USP34: variants seen among roughly 807,000 people sequenced by gnomAD.
The protein encoded by USP34 is ubiquitin specific peptidase 34.
A neutral mutation model predicts 460.3 loss-of-function variants in USP34; 70 were observed. The ratio of observed to expected loss-of-function variants is 0.15; its 90% CI spans 0.13 to 0.19. The LOEUF (loss-of-function observed/expected upper bound fraction) is 0.19, where lower values mean the gene tolerates loss of function less well. USP34 is among the 10% of genes least tolerant of loss of function. The pLI is 1.00. For missense variants in USP34, 3,985 were observed against 4,236.2 expected (o/e 0.94, Z 1.65); for synonymous variants, 1,647 against 1,405.3 (o/e 1.17, Z -3.85).
At position 61,236,026 on chromosome 2, in the gene USP34, CT is replaced by C; in HGVS notation, c.6965del (p.Lys2322SerfsTer11). 6.2e-7 allele frequency: 1 copy of C among 1,605,614 alleles called. No homozygotes were observed. The highest frequency in any genetic ancestry group is 2.2e-5 in the East Asian group (1 of 44,770). ...AAAATCCATAGTAGAAAACACATAC[CT>C]TTTCTTTAGAATGAATAAATGTCTC... ...VLETFIHSKE[K>X]PTMLQWIELL... On this transcript the variant is annotated frameshift_variant and splice_region_variant, in exon 56 of 80. Transcript: ENST00000398571. LOFTEE classifies it high-confidence loss of function.
chr2:61,455,600 C>T (rs1381990498), intron 1 of USP34, among the ~76,000 whole-genome samples: 1 of 152,062 alleles, frequency 6.6e-6, no homozygotes, highest in East Asian at 1.9e-4. Context: ...TACCAAGACC[C>T]CCATCTCAAA....
chr2:61,204,608 A>AGG lies in USP34; in HGVS notation c.9155-8_9155-7insCC, dbSNP rs774220816. 6 of 1,610,442 alleles carry AGG rather than the reference A, an allele frequency of 3.7e-6. No individual in the cohort carries two copies. The highest frequency in any genetic ancestry group is 5.1e-6 in the Non-Finnish European group (6 of 1,178,522). ...ACAAGTTCCTTGAGGACATCTGAAA[A>AGG]TAAAAACAAAGTTTGGGTAGCAAAA... On this transcript the variant is annotated splice_polypyrimidine_tract_variant and splice_region_variant and intron_variant, in intron 72 of 79. Transcript: ENST00000398571.
chr2:61,374,886 G>A (rs1178220867), intron 8 of USP34, among the ~76,000 whole-genome samples: 2 of 152,038 alleles, frequency 1.3e-5, no homozygotes, highest in Non-Finnish European at 2.9e-5. Flanking sequence ...TTCAATAATA[G>A]AGAAGAACTA....
At chr2:61,446,795 CAAAAAAAA>C (rs202114862) in intron 1 of USP34, among the ~76,000 whole-genome samples, 2 of 139,512 alleles carry the variant, frequency 1.4e-5, no homozygotes, top group African/African-American at 2.6e-5. Flanking sequence ...GACTCCACAT[CAAAAAAAA>C]AAAAAAAAAA....
chr2:61,277,286 C>CTAG (rs1365381764), intron 41 of USP34, among the ~76,000 whole-genome samples: 1 of 148,284 alleles, frequency 6.7e-6, no homozygotes, highest in African/African-American at 2.5e-5. Flanking sequence ...ACCTAGGCTA[C>CTAG]AGTGCAGTGG....
At chr2:61,301,574 TAA>T in intron 27 of USP34, 120 bp from the exon 28 acceptor site, 1 of 872,904 alleles carries the variant, frequency 1.1e-6, no homozygotes. Context: ...TAATCTAAGG[TAA>T]AGACAGAAAA....
At chr2:61,261,507 G>A (rs1216909113) in intron 43 of USP34, among the ~76,000 whole-genome samples, 1 of 152,154 alleles carries the variant, frequency 6.6e-6, no homozygotes, top group African/African-American at 2.4e-5. Flanking sequence ...GGTTGGGAGG[G>A]AGAATGGAGA....
intron 1 of USP34, among the ~76,000 whole-genome samples, chr2:61,461,820 T>C (rs1489779290): frequency 2.6e-5 from 4 of 152,058 alleles, no homozygotes; most frequent in Non-Finnish European, 4.4e-5. Flanking sequence ...CGTCTAGAAA[T>C]CTAAAAGAAC....
intron 3 of USP34, among the ~76,000 whole-genome samples, chr2:61,402,639 A>T (rs1355741310): frequency 6.6e-6 from 1 of 152,224 alleles, no homozygotes; most frequent in African/African-American, 2.4e-5. Flanking sequence ...TGAGTTTTGA[A>T]TCTTGTCCTC....
At chr2:61,229,673 C>G in intron 58 of USP34, 40 bp from the exon 59 acceptor site, 1 of 1,533,116 alleles carries the variant, frequency 6.5e-7, no homozygotes, top group South Asian at 1.2e-5. Flanking sequence ...GCCAACTCAT[C>G]AGGTAACAAA....
At chr2:61,302,121 T>C (rs977776899) in intron 27 of USP34, among the ~76,000 whole-genome samples, 2 of 152,204 alleles carry the variant, frequency 1.3e-5, no homozygotes, top group Non-Finnish European at 2.9e-5. Flanking sequence ...TTGTATAATG[T>C]ACAACTTTTT....
chr2:61,330,871 C>T (rs546619668), intron 20 of USP34, among the ~76,000 whole-genome samples: 5 of 151,934 alleles, frequency 3.3e-5, no homozygotes, highest in Admixed American at 3.3e-4. Flanking sequence ...TACTAGTATG[C>T]AATTATAATA....
At chr2:61,265,791 C>G in intron 42 of USP34, 193 bp downstream of exon 42, 1 of 698,958 alleles carries the variant, frequency 1.4e-6, no homozygotes, top group Non-Finnish European at 2.0e-6. Flanking sequence ...ACAGAAAAAG[C>G]CGAAGTATTT....
intron 1 of USP34, among the ~76,000 whole-genome samples, chr2:61,427,952 C>T (rs997055212): frequency 1.3e-5 from 2 of 152,134 alleles, no homozygotes; most frequent in South Asian, 2.1e-4. Context: ...CACCTGAAGT[C>T]AGGAGTTTGA....
chr2:61,388,572 C>A (rs1049565099), intron 5 of USP34, among the ~76,000 whole-genome samples: 3 of 151,010 alleles, frequency 2.0e-5, no homozygotes, highest in South Asian at 4.2e-4. Flanking sequence ...CTAGCTAACA[C>A]GGTGAAACCC....
intron 18 of USP34, among the ~76,000 whole-genome samples, chr2:61,335,763 T>C (rs976415454): frequency 6.6e-6 from 1 of 151,998 alleles, no homozygotes; most frequent in Non-Finnish European, 1.5e-5. Flanking sequence ...AAGATAAAGG[T>C]TCAATGATCC....
In USP34 at chr2:61,379,824, C is replaced by T. The variant is rs1692921066; in HGVS notation, c.1014+345G>A. 2.0e-5 allele frequency among the ~76,000 whole-genome samples: 3 copies of T among 152,322 alleles called. No individual in the cohort carries two copies. The South Asian group carries it at 6.2e-4, about 32-fold the overall frequency. On this transcript the variant is annotated intron_variant, in intron 7 of 79. Transcript: ENST00000398571. ...ACGGCCCAATAATCTATGGTTTCTG[C>T]CTGGAAAATTAATTAACTGCTTATA...
In USP34 at chr2:61,188,365, T is replaced by TAGA; in HGVS notation, c.10375_10377dup (p.Ser3459dup). The TAGA allele has an allele frequency of 6.2e-7, 1 of 1,613,850 alleles. No homozygotes were observed. Among genetic ancestry groups the TAGA allele is most frequent in the Non-Finnish European group, 8.5e-7 (1 of 1,180,032 alleles). The stretch of plus-strand genomic sequence containing the variant: ...AACTCAGATTCTTCCTCAGCTAGGG[T>TAGA]AGAATCCTTGGAACAGTGGAGGTCT... On this transcript the variant is annotated inframe_insertion, in exon 80 of 80. Transcript: ENST00000398571.
intron 78 of USP34, chr2:61,190,058 A>T: frequency 2.1e-6 from 1 of 470,588 alleles, no homozygotes; most frequent in Non-Finnish European, 3.6e-6. Flanking sequence ...TTCAGCATTT[A>T]ATGATACCAG....
Sources: gnomAD v4.1 joint callset for allele counts (sites outside exome capture counted in the v4.1 genomes callset) on GRCh38, gnomAD v4.1.1 for gene constraint, MANE v1.5 for transcripts, NCBI Gene and HGNC (gene_info 2026-07-23, HGNC 2026-07-21) for gene names.